DZANK1: variants seen among roughly 807,000 people sequenced by gnomAD.
DZANK1 encodes the protein double zinc ribbon and ankyrin repeat-containing protein 1.
A neutral mutation model predicts 94.5 loss-of-function variants in DZANK1; 91 were observed. The observed-to-expected ratio is 0.96, with a 90% CI of 0.81 to 1.15. DZANK1 has a LOEUF of 1.15. Ranked by LOEUF, DZANK1 falls within the 50% of genes most tolerant of loss-of-function variation. The probability of loss-of-function intolerance (pLI) is 0.00; values close to 1 mark genes in which losing one functional copy is unlikely to be tolerated. For missense variants in DZANK1, 903 were observed against 916.4 expected (o/e 0.99, Z 0.19); for synonymous variants, 312 against 325.3 (o/e 0.96, Z 0.44).
At chr20:18,455,166 T>C in intron 4 of DZANK1, 81 bp downstream of exon 4, 2 of 1,054,846 alleles carry the variant, frequency 1.9e-6, no homozygotes, top group African/African-American at 1.6e-5. Context: ...GGTAAGGTAA[T>C]AAAAGGCAAG....
At position 18,384,867 on chromosome 20, in the gene DZANK1, C is replaced by CCTCAAA; in HGVS notation, c.2093+148_2093+149insTTTGAG. The CCTCAAA allele has an allele frequency of 3.9e-6, 3 of 763,756 alleles. No individual in the cohort carries two copies. The South Asian group carries it at 5.7e-5, about 15-fold the overall frequency. 47.3% of individuals were successfully genotyped at this position (763,756 alleles called of 1,614,324 possible). On this transcript the variant is annotated intron_variant, in intron 20 of 20. Coordinates refer to ENST00000262547, the Ensembl canonical transcript of DZANK1. ...ACATTTTCATTGCGCTTTGAAAAGC[C>CCTCAAA]CTCAGTGCCCCGGAAGCCATGGTGG...
chr20:18,455,198 G>T, intron 4 of DZANK1, 49 bp downstream of exon 4: 1 of 1,443,684 alleles, frequency 6.9e-7, no homozygotes, highest in South Asian at 1.2e-5. Context: ...GAGAAAGAAG[G>T]AACCAAAATA....
chr20:18,416,783 G>A (rs563879371), intron 10 of DZANK1, among the ~76,000 whole-genome samples: 1 of 151,924 alleles, frequency 6.6e-6, no homozygotes, highest in African/African-American at 2.4e-5. Context: ...TGCAATTAGA[G>A]GGAAACTCCT....
intron 10 of DZANK1, among the ~76,000 whole-genome samples, chr20:18,417,034 C>CAAAAAAAAAA (rs55889297): frequency 1.4e-5 from 2 of 139,924 alleles, no homozygotes; most frequent in Admixed American, 7.1e-5. Context: ...CAAAAAAAAA[C>CAAAAAAAAAA]AAAAAAAAAA....
chr20:18,448,780 T>C (rs1225468094), intron 7 of DZANK1, among the ~76,000 whole-genome samples: 2 of 148,800 alleles, frequency 1.3e-5, no homozygotes, highest in Admixed American at 6.9e-5. Flanking sequence ...GGCAGGAGAA[T>C]CGCTTGAACC....
chr20:18,416,672 T>C (rs2057503890), intron 10 of DZANK1, among the ~76,000 whole-genome samples: 1 of 152,176 alleles, frequency 6.6e-6, no homozygotes, highest in African/African-American at 2.4e-5. Flanking sequence ...CGCTCTGTTA[T>C]CTAGAATAGA....
At chr20:18,406,190 G>A (rs1419655233) in intron 13 of DZANK1, among the ~76,000 whole-genome samples, 1 of 152,224 alleles carries the variant, frequency 6.6e-6, no homozygotes, top group African/African-American at 2.4e-5. Flanking sequence ...AACTCGGGTG[G>A]CACGTGACCT....
At chr20:18,443,674 T>A (rs1250972166) in intron 7 of DZANK1, among the ~76,000 whole-genome samples, 2 of 152,226 alleles carry the variant, frequency 1.3e-5, no homozygotes, top group Non-Finnish European at 2.9e-5. Flanking sequence ...GACCCTCTGG[T>A]GCCCTTTCTG....
intron 13 of DZANK1, among the ~76,000 whole-genome samples, chr20:18,406,915 C>A (rs1331738675): frequency 1.3e-5 from 2 of 152,190 alleles, no homozygotes; most frequent in African/African-American, 2.4e-5. Context: ...CTGGCAGAAT[C>A]CCCTGTGGAC....
chr20:18,456,367 A>T (rs2064511393), intron 3 of DZANK1, among the ~76,000 whole-genome samples: 1 of 152,218 alleles, frequency 6.6e-6, no homozygotes, highest in African/African-American at 2.4e-5. Flanking sequence ...TGGTGATGTT[A>T]TTTCACTACC....
rs1205446686 is a variant in DZANK1, at chr20:18,430,165, T to C, written c.862-3006A>G. 5.9e-5 allele frequency among the ~76,000 whole-genome samples: 9 copies of C among 152,176 alleles called. No individual in the cohort carries two copies. In the East Asian group the frequency reaches 1.5e-3, roughly 26 times the overall value. On this transcript the variant is annotated intron_variant, in intron 9 of 20. Coordinates refer to ENST00000262547, the Ensembl canonical transcript of DZANK1. Reference sequence around the variant, plus strand: ...GTGACACAATTAAAAAGGAAGAATATTGAAAACAAACTAGTAGGTCATTGC... The same window carrying C: ...GTGACACAATTAAAAAGGAAGAATACTGAAAACAAACTAGTAGGTCATTGC...
Position 18,455,842 on chromosome 20 carries a change from A to ATGAAGCC in DZANK1, c.264-482_264-481insGGCTTCA. Among the ~76,000 whole-genome samples, 3 of 152,208 alleles carry ATGAAGCC rather than the reference A, an allele frequency of 2.0e-5. No homozygotes were observed. The South Asian group carries it at 6.2e-4, about 32-fold the overall frequency. On this transcript the variant is annotated intron_variant, in intron 3 of 20. Transcript: ENST00000262547. ...TCATGTGGTTAGCTTGGGCTTCCTC[A>ATGAAGCC]CAGTATGGAAGCCTCAGGTAGTCAG...
chr20:18,386,374 G>C (rs1440442552), intron 19 of DZANK1, among the ~76,000 whole-genome samples: 2 of 152,068 alleles, frequency 1.3e-5, no homozygotes, highest in Non-Finnish European at 2.9e-5. Context: ...AAGGTTCACA[G>C]ACATCTGAGA....
chr20:18,385,098 G>C lies in DZANK1; in HGVS notation c.2019-8C>G, dbSNP rs372814368. 9 of 1,552,048 alleles carry C rather than the reference G, an allele frequency of 5.8e-6. No individual in the cohort carries two copies. In the East Asian group the frequency reaches 1.5e-4, roughly 25 times the overall value. On this transcript the variant is annotated splice_polypyrimidine_tract_variant and splice_region_variant and intron_variant, in intron 19 of 20. Transcript: ENST00000262547. Reference sequence around the variant, plus strand: ...AGAGCTGTATTTCTGAGCCTAATGAGGGGGGAAAAATCCTGGATAAATCCT... The same window carrying C: ...AGAGCTGTATTTCTGAGCCTAATGACGGGGGAAAAATCCTGGATAAATCCT...
intron 15 of DZANK1, 107 bp from the exon 16 acceptor site, chr20:18,394,457 C>CTCTCTGGGTAGGTAGAG: frequency 1.8e-6 from 2 of 1,088,432 alleles, no homozygotes; most frequent in Non-Finnish European, 2.7e-6. Context: ...TACAGCTCTA[C>CTCTCTGGGTAGGTAGAG]CTACCCAGAG....
intron 6 of DZANK1, chr20:18,451,920 G>C (rs1273274041): frequency 3.9e-6 from 2 of 518,794 alleles, no homozygotes; most frequent in African/African-American, 3.8e-5. Flanking sequence ...CCATACTGTG[G>C]CCAAACAGAA....
intron 2 of DZANK1, among the ~76,000 whole-genome samples, chr20:18,464,448 T>C (rs2148832596): frequency 6.6e-6 from 1 of 152,324 alleles, no homozygotes; most frequent in South Asian, 2.1e-4. Context: ...CGAACCTATT[T>C]ATCCTCACAA....
intron 10 of DZANK1, among the ~76,000 whole-genome samples, chr20:18,422,293 A>G (rs910438493): frequency 6.6e-6 from 1 of 152,228 alleles, no homozygotes; most frequent in African/African-American, 2.4e-5. Flanking sequence ...CTTATTGAAG[A>G]GACTATCCTT....
chr20:18,454,833 A>C (rs1601153962), intron 4 of DZANK1, among the ~76,000 whole-genome samples: 1 of 152,244 alleles, frequency 6.6e-6, no homozygotes, highest in East Asian at 1.9e-4. Flanking sequence ...GCAGTTTATA[A>C]AAGAAGGCCT....
Sources: gnomAD v4.1 joint callset for allele counts (sites outside exome capture counted in the v4.1 genomes callset) on GRCh38, gnomAD v4.1.1 for gene constraint, MANE v1.5 for transcripts, NCBI Gene and HGNC (gene_info 2026-07-23, HGNC 2026-07-21) for gene names.